CFAP20DC: variants seen among roughly 807,000 people sequenced by gnomAD.
CFAP20DC encodes the protein protein CFAP20DC.
In CFAP20DC, 84 loss-of-function variants were observed where a neutral mutation model predicts 101.7. That is an observed-to-expected ratio of 0.83 (90% CI 0.69 to 0.99). The LOEUF (loss-of-function observed/expected upper bound fraction) is 0.99. CFAP20DC is among the 50% of genes least tolerant of loss of function. The pLI is 0.00. For missense variants in CFAP20DC, 1,007 were observed against 970.3 expected (o/e 1.04, Z -0.50); for synonymous variants, 359 against 351.2 (o/e 1.02, Z -0.25).
intron 3 of CFAP20DC, among the ~76,000 whole-genome samples, chr3:58,718,215 G>A (rs1426833307): frequency 6.6e-6 from 1 of 152,208 alleles, no homozygotes; most frequent in African/African-American, 2.4e-5. Context: ...AGATGGCAAG[G>A]AAAATGCCAC....
rs145050305 is a variant in CFAP20DC, at chr3:59,033,367, T to A, written c.278+6190A>T. On this transcript the variant is annotated intron_variant, in intron 4 of 16. Transcript: ENST00000482387. ...AATGAGTTTGATGAACTGACAGAAGTAGGCTTGAGAAGGTGGGTAATAACA... is the reference window on the plus strand; with the variant it reads ...AATGAGTTTGATGAACTGACAGAAGAAGGCTTGAGAAGGTGGGTAATAACA... 1.5e-3 allele frequency among the ~76,000 whole-genome samples: 235 copies of A among 152,140 alleles called. 1 individual carries two copies. The East Asian group carries it at 0.02, about 13-fold the overall frequency.
chr3:58,812,951 A>G (rs140009877), intron 14 of CFAP20DC, among the ~76,000 whole-genome samples: 1 of 151,986 alleles, frequency 6.6e-6, no homozygotes, highest in East Asian at 1.9e-4. Context: ...ACCAAACAAG[A>G]TATCTCATGG....
chr3:58,771,497 C>T (rs1398451377), intron 15 of CFAP20DC, among the ~76,000 whole-genome samples: 1 of 151,970 alleles, frequency 6.6e-6, no homozygotes, highest in Non-Finnish European at 1.5e-5. Flanking sequence ...GTCAAAATAA[C>T]GTTATAAGGG....
chr3:58,787,396 G>A (rs2072452149), intron 15 of CFAP20DC, among the ~76,000 whole-genome samples: 2 of 150,582 alleles, frequency 1.3e-5, no homozygotes, highest in South Asian at 4.2e-4. Context: ...GCTAGATGAC[G>A]AGTTAGTGGG....
chr3:58,725,706 C>A (rs1487496912), intron 3 of CFAP20DC, among the ~76,000 whole-genome samples: 5 of 152,178 alleles, frequency 3.3e-5, no homozygotes, highest in Admixed American at 3.3e-4. Context: ...AGGCAACACA[C>A]ACAGGTGCAG....
At chr3:58,957,213 C>T (rs1205418522) in intron 4 of CFAP20DC, among the ~76,000 whole-genome samples, 1 of 152,036 alleles carries the variant, frequency 6.6e-6, no homozygotes, top group East Asian at 1.9e-4. Context: ...AAACATTTCT[C>T]AAAAGAAGAT....
chr3:58,781,797 C>G (rs1299794298), intron 15 of CFAP20DC, among the ~76,000 whole-genome samples: 1 of 151,958 alleles, frequency 6.6e-6, no homozygotes, highest in African/African-American at 2.4e-5. Flanking sequence ...AATAAAAAGT[C>G]TACCAATGAA....
chr3:58,760,883 G>A (rs1030405222), intron 15 of CFAP20DC, among the ~76,000 whole-genome samples: 2 of 152,188 alleles, frequency 1.3e-5, no homozygotes, highest in African/African-American at 2.4e-5. Context: ...CAGGGATGAA[G>A]CCCACTTGAT....
intron 14 of CFAP20DC, among the ~76,000 whole-genome samples, chr3:58,824,115 T>G (rs2075877100): frequency 6.6e-6 from 1 of 152,156 alleles, no homozygotes; most frequent in Admixed American, 6.6e-5. Flanking sequence ...TATAGTTGTA[T>G]AAGAACATCT....
intron 4 of CFAP20DC, among the ~76,000 whole-genome samples, chr3:58,980,621 T>C (rs1361196813): frequency 6.6e-6 from 1 of 152,164 alleles, no homozygotes; most frequent in Non-Finnish European, 1.5e-5. Flanking sequence ...ATTATCTCAA[T>C]AGATGCAGAA....
intron 3 of CFAP20DC, chr3:58,734,379 TTTATCACCAG>T: frequency 2.8e-6 from 1 of 359,564 alleles, no homozygotes; most frequent in South Asian, 2.1e-5. Context: ...ATAGTCATTG[TTTATCACCAG>T]AGTTCCAAAC....
At chr3:58,813,826 C>G (rs2074881097) in intron 14 of CFAP20DC, among the ~76,000 whole-genome samples, 2 of 151,924 alleles carry the variant, frequency 1.3e-5, no homozygotes, top group African/African-American at 4.8e-5. Context: ...ATCACCATTT[C>G]AGTAATAAGA....
At chr3:58,945,118 CA>C (rs1436241932) in intron 4 of CFAP20DC, among the ~76,000 whole-genome samples, 2 of 152,136 alleles carry the variant, frequency 1.3e-5, no homozygotes, top group Admixed American at 6.5e-5. Flanking sequence ...TTATTATTAT[CA>C]TCTATTTTAC....
intron 5 of CFAP20DC, among the ~76,000 whole-genome samples, chr3:58,916,638 G>C (rs2084754079): frequency 6.6e-6 from 1 of 152,120 alleles, no homozygotes; most frequent in Non-Finnish European, 1.5e-5. Flanking sequence ...AAATGGCTGG[G>C]AATTGATAAC....
intron 5 of CFAP20DC, among the ~76,000 whole-genome samples, chr3:58,920,238 A>T (rs1193304265): frequency 6.6e-6 from 1 of 151,776 alleles, no homozygotes; most frequent in Non-Finnish European, 1.5e-5. Context: ...CCACAGCCAT[A>T]AGCCAACATG....
Position 58,863,771 on chromosome 3 carries a change from C to G in CFAP20DC, c.1380G>C (p.Glu460Asp). The change falls in exon 12 of 17, where the codon GAG (glutamate) becomes GAC (aspartate). Residue 460 changes from glutamate to aspartate, a missense_variant. Transcript: ENST00000482387. This position sits in a 1 kb window ranked among gnomAD's most constrained non-coding sequence, Gnocchi z 5.9. Reference sequence around the variant, plus strand: ...CCTCTGCCTGCTGGTCGTGTTCACTCTCTTTGCTGGCTTCCAGCCACAGGT... The same window carrying G: ...CCTCTGCCTGCTGGTCGTGTTCACTGTCTTTGCTGGCTTCCAGCCACAGGT... ...PSHLWLEASK[E>D]SEHDQQAEES... 6.2e-7 allele frequency: 1 copy of G among 1,614,216 alleles called. No individual in the cohort carries two copies.
At chr3:59,009,720 G>T (rs1484711928) in intron 4 of CFAP20DC, among the ~76,000 whole-genome samples, 1 of 152,148 alleles carries the variant, frequency 6.6e-6, no homozygotes, top group Non-Finnish European at 1.5e-5. Flanking sequence ...GAAGCTCAAA[G>T]AACTCTGGGG....
At chr3:58,835,306 G>A (rs186075094) in intron 13 of CFAP20DC, among the ~76,000 whole-genome samples, 3 of 152,202 alleles carry the variant, frequency 2.0e-5, no homozygotes, top group African/African-American at 7.2e-5. Flanking sequence ...GTGACTAACC[G>A]CCCAGTGGAA....
rs143981709 is a variant in CFAP20DC at position 58,834,463 on chromosome 3, A to G, written c.1972-2574T>C. Among the ~76,000 whole-genome samples the G allele has an allele frequency of 2.2e-4, 34 of 152,304 alleles. No individual in the cohort carries two copies. In the East Asian group the frequency reaches 5.6e-3, roughly 25 times the overall value. ...AAGAAAGCTTTAATATGTACTTCAT[A>G]TGATTGAGTCATTCATTCAATTTAC... is the stretch of plus-strand genomic sequence containing the variant. On this transcript the variant is annotated intron_variant, in intron 13 of 16. Transcript: ENST00000482387.
Sources: allele counts gnomAD v4.1 joint callset (sites outside exome capture counted in the v4.1 genomes callset), GRCh38; gene constraint gnomAD v4.1.1; non-coding constraint Gnocchi (gnomAD v3.1); transcripts MANE v1.5; gene names NCBI Gene and HGNC (gene_info 2026-07-23, HGNC 2026-07-21).